The following CABCOCO1 variants were observed in gnomAD, a reference collection of about 807,000 sequenced individuals.
The protein encoded by CABCOCO1 is ciliary-associated calcium-binding coiled-coil protein 1.
CABCOCO1 carries 28 observed loss-of-function variants against 35.7 expected under a neutral mutation model. The observed-to-expected ratio is 0.78, with a 90% confidence interval of 0.58 to 1.07. The LOEUF is 1.07. Ranked by LOEUF, CABCOCO1 falls within the 50% of genes least tolerant of loss-of-function variation. The pLI, the probability that CABCOCO1 is intolerant of heterozygous loss-of-function variation, is 0.00. For missense variants in CABCOCO1, 326 were observed against 309.2 expected (o/e 1.05, Z -0.41); for synonymous variants, 95 against 100.1 (o/e 0.95, Z 0.30).
intron 3 of CABCOCO1, chr10:61,685,035 T>C (rs969474128): frequency 6.6e-6 from 1 of 152,246 alleles, no homozygotes; most frequent in African/African-American, 2.4e-5. Flanking sequence ...GAGAAATCAC[T>C]GAGCTCTTTA....
intron 5 of CABCOCO1, among the ~76,000 whole-genome samples, chr10:61,710,961 C>A: frequency 6.6e-6 from 1 of 151,640 alleles, no homozygotes; most frequent in East Asian, 1.9e-4. Context: ...AATCAATCAC[C>A]AAAAACAAAC....
At chr10:61,741,838 T>C (rs1343671383) in intron 5 of CABCOCO1, among the ~76,000 whole-genome samples, 1 of 152,264 alleles carries the variant, frequency 6.6e-6, no homozygotes, top group Non-Finnish European at 1.5e-5. Context: ...AGCTTTTTAA[T>C]AAAAGTAATT....
At chr10:61,734,968 T>C (rs184636740) in intron 5 of CABCOCO1, among the ~76,000 whole-genome samples, 2 of 152,232 alleles carry the variant, frequency 1.3e-5, no homozygotes, top group Admixed American at 1.3e-4. Context: ...AACCTTAAAA[T>C]GTTAAATAAA....
intron 5 of CABCOCO1, among the ~76,000 whole-genome samples, chr10:61,728,899 G>T (rs1841227810): frequency 6.6e-6 from 1 of 152,136 alleles, no homozygotes; most frequent in African/African-American, 2.4e-5. Flanking sequence ...TGGAGAGAGG[G>T]GAATGCCAGC....
At chr10:61,692,264 A>G (rs1407589150) in intron 5 of CABCOCO1, among the ~76,000 whole-genome samples, 1 of 152,064 alleles carries the variant, frequency 6.6e-6, no homozygotes, top group Non-Finnish European at 1.5e-5. Context: ...GCTTCTTTTC[A>G]TATGTTCGTT....
At chr10:61,758,012 C>G (rs1841934359) in intron 5 of CABCOCO1, among the ~76,000 whole-genome samples, 1 of 152,026 alleles carries the variant, frequency 6.6e-6, no homozygotes, top group Non-Finnish European at 1.5e-5. Context: ...AGCAACAAGA[C>G]AAATATGGTG....
chr10:61,762,212 T>C (rs936254420), intron 7 of CABCOCO1, among the ~76,000 whole-genome samples: 1 of 152,148 alleles, frequency 6.6e-6, no homozygotes, highest in Non-Finnish European at 1.5e-5. Flanking sequence ...AGACAGTAAC[T>C]GAATTGTTTG....
At position 61,662,994 on chromosome 10, in the gene CABCOCO1, T is replaced by C. The variant is rs750471818; in HGVS notation, c.22T>C (p.Trp8Arg). The part of the protein sequence containing the change: MSQGTTP[W>R]GPTPAGTTPE... ...GGCGATGTCGCAGGGGACGACTCCC[T>C]GGGGGCCGACCCCGGCGGGAACCAC... The change falls in exon 1 of 8, where the codon TGG becomes CGG. Residue 8 changes from tryptophan (W) to arginine (R), a missense_variant. Transcript: ENST00000648843. 27 of 107,022 alleles carry C rather than the reference T, an allele frequency of 2.5e-4. No individual in the cohort carries two copies. Among genetic ancestry groups the C allele is most frequent in the Middle Eastern group, 3.0e-3 (1 of 328 alleles). 6.6% of individuals were successfully genotyped at this position (107,022 alleles called of 1,614,324 possible).
intron 3 of CABCOCO1, 98 bp from the exon 4 acceptor site, chr10:61,685,943 A>G: frequency 9.6e-7 from 1 of 1,039,078 alleles, no homozygotes; most frequent in Non-Finnish European, 1.4e-6. Context: ...CAAATACTTA[A>G]CAAAGTAAAT....
At chr10:61,733,212 T>A (rs982585384) in intron 5 of CABCOCO1, among the ~76,000 whole-genome samples, 2 of 152,054 alleles carry the variant, frequency 1.3e-5, no homozygotes, top group African/African-American at 4.8e-5. Context: ...TGTTCTAAAC[T>A]ATTTCTGTTA....
At chr10:61,731,909 T>C (rs752793632) in intron 5 of CABCOCO1, among the ~76,000 whole-genome samples, 7 of 152,016 alleles carry the variant, frequency 4.6e-5, no homozygotes, top group Non-Finnish European at 8.8e-5. Context: ...TTATTTTGAG[T>C]GATTGATATC....
intron 3 of CABCOCO1, among the ~76,000 whole-genome samples, chr10:61,682,958 T>C (rs951161238): frequency 4.1e-5 from 6 of 147,524 alleles, no homozygotes; most frequent in East Asian, 2.0e-4. Flanking sequence ...TGGTGTGATC[T>C]TTGCTCACTG....
chr10:61,744,624 A>C (rs1433594856), intron 5 of CABCOCO1, among the ~76,000 whole-genome samples: 5 of 152,176 alleles, frequency 3.3e-5, no homozygotes, highest in Non-Finnish European at 7.4e-5. Context: ...AAATAAAACT[A>C]GTCTTCCAGT....
At chr10:61,663,439 T>C (rs1839071568) in intron 1 of CABCOCO1, among the ~76,000 whole-genome samples, 1 of 152,108 alleles carries the variant, frequency 6.6e-6, no homozygotes, top group African/African-American at 2.4e-5. Context: ...CAGTCTCTTT[T>C]TGAAATTGCT....
chr10:61,762,080 A>T (rs952089681), intron 7 of CABCOCO1, among the ~76,000 whole-genome samples: 1 of 152,092 alleles, frequency 6.6e-6, no homozygotes, highest in African/African-American at 2.4e-5. Context: ...AATTAAGCTG[A>T]GTTCAGAACA....
At chr10:61,687,192 T>G (rs1839991171) in intron 4 of CABCOCO1, among the ~76,000 whole-genome samples, 1 of 152,198 alleles carries the variant, frequency 6.6e-6, no homozygotes, top group Non-Finnish European at 1.5e-5. Flanking sequence ...TTTTACGTAA[T>G]AACATTTAAA....
intron 3 of CABCOCO1, 84 bp from the exon 4 acceptor site, chr10:61,685,957 G>A (rs1294436046): frequency 8.5e-7 from 1 of 1,180,350 alleles, no homozygotes; most frequent in African/African-American, 1.6e-5. Context: ...AGTAAATTTT[G>A]GCACATTGAA....
At chr10:61,720,916 T>C (rs1359655056) in intron 5 of CABCOCO1, among the ~76,000 whole-genome samples, 1 of 123,166 alleles carries the variant, frequency 8.1e-6, no homozygotes, top group African/African-American at 2.9e-5. Flanking sequence ...TTCTTTTCAT[T>C]CTTTTTTTTT....
chr10:61,704,309 T>C (rs1238214732), intron 5 of CABCOCO1, among the ~76,000 whole-genome samples: 8 of 152,228 alleles, frequency 5.3e-5, no homozygotes, highest in Admixed American at 5.2e-4. Context: ...GCTTAGTGCC[T>C]TTCTTCTAGT....
Sources: gnomAD v4.1 joint callset for allele counts (sites outside exome capture counted in the v4.1 genomes callset) on GRCh38, gnomAD v4.1.1 for gene constraint, MANE v1.5 for transcripts, NCBI Gene and HGNC (gene_info 2026-07-23, HGNC 2026-07-21) for gene names.